F7: variants seen among roughly 807,000 people sequenced by gnomAD.
F7 encodes coagulation factor VII, also known as FVII coagulation protein.
Under a neutral mutation model 47.5 loss-of-function variants are expected in F7, and 38 were observed. The ratio of observed to expected loss-of-function variants is 0.80; its 90% CI spans 0.62 to 1.05. The LOEUF (loss-of-function observed/expected upper bound fraction) is 1.05. Ranked by LOEUF, F7 falls within the 50% of genes least tolerant of loss-of-function variation. F7 has a pLI of 0.00. For missense variants in F7, 575 were observed against 605.4 expected (o/e 0.95, Z 0.53); for synonymous variants, 244 against 258.5 (o/e 0.94, Z 0.54).
intron 4 of F7, chr13:113,114,805 A>C (rs973757417): frequency 3.3e-5 from 5 of 153,018 alleles, no homozygotes; most frequent in African/African-American, 1.2e-4. Context: ...ACATTCCCTC[A>C]GGCAAGACCT....
Position 113,118,587 on chromosome 13 carries a change from C to T in F7, c.914C>T (p.Thr305Met), listed in dbSNP as rs746493506. ...HVVPLCLPER[T>M]FSERTLAFVR... ...GTGCCCCTCTGCCTGCCCGAACGGA[C>T]GTTCTCTGAGAGGACGCTGGCCTTC... The change falls in exon 8 of 8, where the codon ACG (threonine) becomes ATG (methionine). Residue 305 changes from threonine (T) to methionine (M), a missense_variant. Coordinates refer to ENST00000346342, the MANE Select transcript of F7 (RefSeq NM_019616.4). 5 of 1,612,714 alleles carry T rather than the reference C, an allele frequency of 3.1e-6. No individual in the cohort carries two copies. The African/African-American group carries it at 4.0e-5, about 13-fold the overall frequency.
rs368120548 is a variant in F7 at position 113,106,234 on chromosome 13, G to A, written c.64+329G>A. On this transcript the variant is annotated intron_variant, in intron 1 of 7. Coordinates refer to ENST00000346342, the MANE Select transcript of F7 (RefSeq NM_019616.4). The stretch of plus-strand genomic sequence containing the variant: ...GGGCCTCTCAGAGTGCAGGAAGTGC[G>A]CACAGGGTGCTCCCAGGCTGGGGAG... 8.8e-5 allele frequency among the ~76,000 whole-genome samples: 12 copies of A among 137,032 alleles called. No homozygotes were observed. In the East Asian group the frequency reaches 8.9e-4, roughly 10 times the overall value. 89.9% of individuals were successfully genotyped at this position (137,032 alleles called of 152,430 possible). A position where few individuals can be genotyped will look rare whatever the true frequency, so the allele number is the denominator to read the frequency against.
rs1340729232 is a variant in F7, at chr13:113,113,932, T to C, written c.336T>C (p.Pro112=). 1 of 1,614,106 alleles carries C rather than the reference T, an allele frequency of 6.2e-7. No homozygotes were observed. Among genetic ancestry groups the C allele is most frequent in the East Asian group, 2.2e-5 (1 of 44,884 alleles). Residue 112 remains proline (P), a synonymous_variant, in exon 4 of 8, where the codon CCT becomes CCC. Coordinates refer to ENST00000346342, the MANE Select transcript of F7 (RefSeq NM_019616.4). The surrounding 1 kb of genome is among the most constrained non-coding windows in gnomAD (Gnocchi z 4.1). The stretch of plus-strand genomic sequence containing the variant: ...AGTCCTATATCTGCTTCTGCCTCCC[T>C]GCCTTCGAGGGCCGGAACTGTGAGA... ...QLQSYICFCL[P]AFEGRNCETH... is the part of the protein sequence containing the mutation.
In F7 at chr13:113,110,847, G is replaced by A; in HGVS notation, c.222G>A (p.Arg74=). 6.4e-7 allele frequency: 1 copy of A among 1,559,176 alleles called. No individual in the cohort carries two copies. Among genetic ancestry groups the A allele is most frequent in the Non-Finnish European group, 8.7e-7 (1 of 1,152,302 alleles). ...EAREIFKDAE[R]TKLFWISYSD... ...GGGAGATCTTCAAGGACGCGGAGAGGACGGTGAGCCCAGCCTCGGGGCGCC... is the reference window on the plus strand; with the variant it reads ...GGGAGATCTTCAAGGACGCGGAGAGAACGGTGAGCCCAGCCTCGGGGCGCC... The change falls in exon 2 of 8, where the codon AGG becomes AGA. Residue 74 remains arginine (R), a synonymous_variant. Coordinates refer to ENST00000346342, the MANE Select transcript of F7 (RefSeq NM_019616.4).
At chr13:113,115,823 TCC>T in intron 5 of F7, 23 bp downstream of exon 5, 1 of 1,612,932 alleles carries the variant, frequency 6.2e-7, no homozygotes, top group East Asian at 2.2e-5. Flanking sequence ...CATGTCCCAG[TCC>T]CAGATGACAC....
chr13:113,119,628 C>T lies in F7; in HGVS notation c.*620C>T, dbSNP rs151109093. 438 of 164,450 alleles carry T rather than the reference C, an allele frequency of 2.7e-3. 2 individuals carry two copies. The highest frequency in any genetic ancestry group is 9.8e-3 in the African/African-American group (407 of 41,644). The allele number at this position is 164,450 out of a possible 1,614,324, so 10.2% of individuals were successfully genotyped here. On this transcript the variant is annotated 3_prime_UTR_variant, in exon 8 of 8. Transcript: ENST00000346342. ...ATGGATGCACGCACATGCCAATGCA[C>T]GCACACATCAGTGCACACGGATGCA...
chr13:113,119,164 G>A lies in F7; in HGVS notation c.*156G>A, dbSNP rs2476324. The A allele has an allele frequency of 3.0e-6, 2 of 658,302 alleles. No homozygotes were observed. Among genetic ancestry groups the A allele is most frequent in the South Asian group, 1.9e-5 (1 of 52,524 alleles). 40.8% of individuals were successfully genotyped at this position (658,302 alleles called of 1,614,324 possible). On this transcript the variant is annotated 3_prime_UTR_variant, in exon 8 of 8. Coordinates refer to ENST00000346342, the MANE Select transcript of F7 (RefSeq NM_019616.4). ...ACAGAGACAGAAACAGAGAGAGACA[G>A]AGACAGAGAGAGACTGAGGGAGAGA...
Position 113,119,380 on chromosome 13 carries a change from C to T in F7, c.*372C>T. ...CCTTACCTCCCTTCAGCCAAGCCCACCTGCACGTGATCTGCTGGCCTCAGG... is the reference window on the plus strand; with the variant it reads ...CCTTACCTCCCTTCAGCCAAGCCCATCTGCACGTGATCTGCTGGCCTCAGG... On this transcript the variant is annotated 3_prime_UTR_variant, in exon 8 of 8. Transcript: ENST00000346342. The T allele has an allele frequency of 3.3e-6, 1 of 303,736 alleles. No individual in the cohort carries two copies. The highest frequency in any genetic ancestry group is 4.3e-5 in the South Asian group (1 of 23,156). 18.8% of individuals were successfully genotyped at this position (303,736 alleles called of 1,614,324 possible). A position where few individuals can be genotyped will look rare whatever the true frequency, so the allele number is the denominator to read the frequency against.
At chr13:113,108,803 G>A (rs1328858047) in intron 1 of F7, among the ~76,000 whole-genome samples, 3 of 86,294 alleles carry the variant, frequency 3.5e-5, no homozygotes, top group Non-Finnish European at 5.0e-5. Flanking sequence ...TGGGTGTCCC[G>A]GGGGCGTGGG....
Position 113,119,161 on chromosome 13 carries a change from AC to A in F7, c.*154del. ...GAGACAGAGACAGAAACAGAGAGAGACAGAGACAGAGAGAGACTGAGGGAGA... is the reference window on the plus strand; with the variant it reads ...GAGACAGAGACAGAAACAGAGAGAGAAGAGACAGAGAGAGACTGAGGGAGA... On this transcript the variant is annotated 3_prime_UTR_variant, in exon 8 of 8. Transcript: ENST00000346342. 1 of 680,180 alleles carries A rather than the reference AC, an allele frequency of 1.5e-6. No individual in the cohort carries two copies. The highest frequency in any genetic ancestry group is 1.7e-5 in the South Asian group (1 of 57,980). 42.1% of individuals were successfully genotyped at this position (680,180 alleles called of 1,614,324 possible).
intron 4 of F7, chr13:113,114,955 A>G (rs1222810201): frequency 6.4e-6 from 1 of 155,838 alleles, no homozygotes; most frequent in African/African-American, 2.4e-5. Flanking sequence ...TTCTTCTCTA[A>G]GCAGAAGAGA....
At chr13:113,114,009 G>A in intron 4 of F7, 49 bp downstream of exon 4, 1 of 1,605,712 alleles carries the variant, frequency 6.2e-7, no homozygotes, top group Non-Finnish European at 8.5e-7. Context: ...CTGGGGAGCT[G>A]GTGGAGGTGG....
In F7 at chr13:113,106,747, G is replaced by A. The variant is rs1254151557; in HGVS notation, c.64+842G>A. The A allele has an allele frequency of 3.7e-5, 44 of 1,185,850 alleles. 1 individual carries two copies. The East Asian group carries it at 8.3e-4, about 22-fold the overall frequency. The allele number at this position is 1,185,850 out of a possible 1,614,324, so 73.5% of individuals were successfully genotyped here. A position where few individuals can be genotyped will look rare whatever the true frequency, so the allele number is the denominator to read the frequency against. On this transcript the variant is annotated intron_variant, in intron 1 of 7. Coordinates refer to ENST00000346342, the MANE Select transcript of F7 (RefSeq NM_019616.4). Reference sequence around the variant, plus strand: ...CGTGGGGATGGCGTGTGGGGATGGCGAGTGGGGGGTGGGCTGTGAGGGACA... The same window carrying A: ...CGTGGGGATGGCGTGTGGGGATGGCAAGTGGGGGGTGGGCTGTGAGGGACA...
chr13:113,105,986 C>CCTTGCT, intron 1 of F7, 81 bp downstream of exon 1: 2 of 1,301,708 alleles, frequency 1.5e-6, no homozygotes, highest in South Asian at 2.8e-5. Context: ...CTTCCCAAAC[C>CCTTGCT]CCGCCCTTGC....
intron 2 of F7, 50 bp downstream of exon 2, chr13:113,110,900 T>C (rs1304813174): frequency 1.3e-6 from 2 of 1,534,434 alleles, no homozygotes; most frequent in Non-Finnish European, 8.8e-7. Flanking sequence ...CAGGCGGCGG[T>C]GAACCAGGCC....
chr13:113,115,782 G>A lies in F7; in HGVS notation c.487G>A (p.Val163Met). The change falls in exon 5 of 8, where the codon GTG becomes ATG. Residue 163 changes from valine (V) to methionine (M), a missense_variant. Coordinates refer to ENST00000346342, the MANE Select transcript of F7 (RefSeq NM_019616.4). ...HEGYSLLADG[V>M]SCTPTVEYPC... ...GGGGTACTCTCTGCTGGCAGACGGG[G>A]TGTCCTGCACACCCACAGGTGACCA... The A allele has an allele frequency of 6.2e-7, 1 of 1,613,280 alleles. No individual in the cohort carries two copies. The highest frequency in any genetic ancestry group is 1.3e-5 in the African/African-American group (1 of 75,064).
intron 4 of F7, among the ~76,000 whole-genome samples, chr13:113,114,201 G>A (rs1322366286): frequency 6.6e-6 from 1 of 152,172 alleles, no homozygotes; most frequent in Non-Finnish European, 1.5e-5. Flanking sequence ...CCGGCCCTGG[G>A]CAATTCTCAG....
rs2036202128 is a variant in F7, at chr13:113,116,845, G to A, written c.585G>A (p.Lys195=). ...SKPQGRIVGG[K]VCPKGECPWQ... ...CCCAAGGCCGAATTGTGGGGGGCAA[G>A]GTGTGCCCCAAAGGGGAGTGTCCAT... Residue 195 remains lysine, a synonymous_variant, in exon 6 of 8, where the codon AAG becomes AAA. Coordinates refer to ENST00000346342, the MANE Select transcript of F7 (RefSeq NM_019616.4). 1.2e-6 allele frequency: 2 copies of A among 1,613,766 alleles called. No homozygotes were observed.
chr13:113,116,749 A>T lies in F7; in HGVS notation c.506-17A>T. On this transcript the variant is annotated splice_polypyrimidine_tract_variant and intron_variant, in intron 5 of 7. Coordinates refer to ENST00000346342, the MANE Select transcript of F7 (RefSeq NM_019616.4). ...CCTCACAAATCTCTGCATCTTTCTG[A>T]CTTTTGTTTTACACAGTTGAATATC... is the stretch of plus-strand genomic sequence containing the variant. 6.4e-7 allele frequency: 1 copy of T among 1,556,890 alleles called. No individual in the cohort carries two copies. Among genetic ancestry groups the T allele is most frequent in the Non-Finnish European group, 8.9e-7 (1 of 1,128,078 alleles).
Sources: allele counts gnomAD v4.1 joint callset (sites outside exome capture counted in the v4.1 genomes callset), GRCh38; gene constraint gnomAD v4.1.1; non-coding constraint Gnocchi (gnomAD v3.1); transcripts MANE v1.5; gene names NCBI Gene and HGNC (gene_info 2026-07-23, HGNC 2026-07-21).